The following SERINC5 variants were observed in gnomAD, a reference collection of about 807,000 sequenced individuals.
The protein encoded by SERINC5 is serine incorporator 5, also known as chromosome 5 open reading frame 12.
SERINC5 carries 41 observed loss-of-function variants against 63.1 expected under a neutral mutation model. The observed-to-expected ratio is 0.65, with a 90% CI of 0.51 to 0.84. The LOEUF is 0.84. SERINC5 is among the 40% of genes least tolerant of loss of function. The pLI, the probability that SERINC5 is intolerant of heterozygous loss-of-function variation, is 0.00. For missense variants in SERINC5, 523 were observed against 573.0 expected (o/e 0.91, Z 0.89); for synonymous variants, 222 against 215.2 (o/e 1.03, Z -0.28).
rs891959097 is a variant in SERINC5 at position 80,141,137 on chromosome 5, A to G, written c.*2526T>C. ...TTAACTCTGCATTGATAGTCCCTCA[A>G]TCCTCAGATACATCCACATCTGTTT... On this transcript the variant is annotated 3_prime_UTR_variant, in exon 12 of 12. Coordinates refer to ENST00000507668, the MANE Select transcript of SERINC5 (RefSeq NM_001174072.3). 3 of 985,242 alleles carry G rather than the reference A, an allele frequency of 3.0e-6. No homozygotes were observed. Among genetic ancestry groups the G allele is most frequent in the South Asian group, 4.7e-5 (1 of 21,284 alleles). The allele number at this position is 985,242 out of a possible 1,614,324, so 61.0% of individuals were successfully genotyped here. A position where few individuals can be genotyped will look rare whatever the true frequency, so the allele number is the denominator to read the frequency against.
chr5:80,169,878 G>A (rs116003716), intron 5 of SERINC5, among the ~76,000 whole-genome samples: 115 of 152,258 alleles, frequency 7.6e-4, no homozygotes, highest in African/African-American at 2.7e-3. Flanking sequence ...TCAATCAGCC[G>A]AGGTGTACTG....
rs531491955 is a variant in SERINC5 at position 80,160,069 on chromosome 5, G to A, written c.860-1107C>T. Among the ~76,000 whole-genome samples, 26 of 152,324 alleles carry A rather than the reference G, an allele frequency of 1.7e-4. No homozygotes were observed. The South Asian group carries it at 3.1e-3, about 18-fold the overall frequency. On this transcript the variant is annotated intron_variant, in intron 7 of 11. Coordinates refer to ENST00000507668, the MANE Select transcript of SERINC5 (RefSeq NM_001174072.3). ...TAACAGTTGGTCAGAAGTTCTGGAG[G>A]GCCGGACTTGTGACCAGTGGGAATG...
intron 2 of SERINC5, among the ~76,000 whole-genome samples, chr5:80,201,969 G>T (rs1407536619): frequency 1.3e-5 from 2 of 152,224 alleles, no homozygotes; most frequent in Non-Finnish European, 2.9e-5. Flanking sequence ...AGGCACAGTG[G>T]CTCACGCCTG....
chr5:80,134,613 A>T (rs994088625), downstream of SERINC5, among the ~76,000 whole-genome samples: 3 of 152,234 alleles, frequency 2.0e-5, no homozygotes, highest in African/African-American at 7.2e-5. Flanking sequence ...TTAGGAACAA[A>T]TCAGTAAGTT....
intron 11 of SERINC5, chr5:80,128,816 T>C (rs142737440): frequency 1.3e-5 from 2 of 152,258 alleles, no homozygotes; most frequent in African/African-American, 4.8e-5. Context: ...GACTGGAACA[T>C]TATAAGGAAA....
rs1745499529 is a variant in SERINC5, at chr5:80,141,453, GCGTAAGGTCAGTTTCTCAAATCACAC to G, written c.*2184_*2209del. The G allele has an allele frequency of 1.0e-6, 1 of 981,942 alleles. No homozygotes were observed. The highest frequency in any genetic ancestry group is 1.9e-5 in the African/African-American group (1 of 53,870). 60.8% of individuals were successfully genotyped at this position (981,942 alleles called of 1,614,324 possible). A position where few individuals can be genotyped will look rare whatever the true frequency, so the allele number is the denominator to read the frequency against. ...GCCTTGTCAGCTGGACCTTGACTGC[GCGTAAGGTCAGTTTCTCAAATCACAC>G]CAGCTGGCAGCCAGACCCAGCCGAG... On this transcript the variant is annotated 3_prime_UTR_variant, in exon 12 of 12. Transcript: ENST00000507668.
intron 8 of SERINC5, among the ~76,000 whole-genome samples, chr5:80,151,450 G>A (rs1746173672): frequency 6.6e-6 from 1 of 152,214 alleles, no homozygotes; most frequent in Admixed American, 6.5e-5. Flanking sequence ...AAAAAATTCT[G>A]CCACTTCCCT....
intron 6 of SERINC5, 79 bp from the exon 7 acceptor site, chr5:80,166,557 C>T (rs1561386655): frequency 3.6e-6 from 3 of 829,514 alleles, no homozygotes; most frequent in Non-Finnish European, 5.9e-6. Flanking sequence ...CTGATAGTCC[C>T]CATGACAGTC....
intron 5 of SERINC5, among the ~76,000 whole-genome samples, chr5:80,174,279 A>G (rs1473945504): frequency 2.0e-5 from 3 of 151,804 alleles, no homozygotes; most frequent in African/African-American, 4.8e-5. Flanking sequence ...AGGTGGGAGA[A>G]TCACTGAAGC....
At chr5:80,150,163 A>G (rs1561369916) in intron 9 of SERINC5, among the ~76,000 whole-genome samples, 1 of 152,188 alleles carries the variant, frequency 6.6e-6, no homozygotes, top group Non-Finnish European at 1.5e-5. Flanking sequence ...CCAAACAGCT[A>G]TTACATAATC....
chr5:80,224,907 A>G (rs1751093801), intron 1 of SERINC5, among the ~76,000 whole-genome samples: 1 of 147,634 alleles, frequency 6.8e-6, no homozygotes, highest in East Asian at 2.0e-4. Flanking sequence ...TACAGGCGTG[A>G]GCCATCACGC....
intron 1 of SERINC5, chr5:80,255,244 T>G (rs1029354655): frequency 3.3e-5 from 5 of 152,432 alleles, no homozygotes; most frequent in Admixed American, 3.3e-4. Context: ...AACAAGTTTA[T>G]TTGCAAAGAG....
Position 80,152,174 on chromosome 5 carries a change from G to A in SERINC5, c.987-1226C>T, listed in dbSNP as rs549899110. 6.6e-5 allele frequency among the ~76,000 whole-genome samples: 10 copies of A among 152,232 alleles called. No individual in the cohort carries two copies. In the South Asian group the frequency reaches 1.9e-3, roughly 28 times the overall value. On this transcript the variant is annotated intron_variant, in intron 8 of 11. Transcript: ENST00000507668. ...GACAGAAACATCTCCCAATGACTGC[G>A]CACCCAAGGAACACAACACCTAATC...
chr5:80,148,069 G>T (rs2112310102), intron 9 of SERINC5, among the ~76,000 whole-genome samples: 1 of 152,196 alleles, frequency 6.6e-6, no homozygotes, highest in Admixed American at 6.5e-5. Context: ...TAAAGTGAAG[G>T]AATCTGGAAG....
At chr5:80,138,664 A>AC, downstream of SERINC5, 1 of 228,620 alleles carries the variant, frequency 4.4e-6, no homozygotes, top group South Asian at 1.6e-4. Flanking sequence ...ACATGAGGTA[A>AC]TGCATATGCT....
At chr5:80,151,660 AAC>A (rs1746188383) in intron 8 of SERINC5, among the ~76,000 whole-genome samples, 1 of 152,184 alleles carries the variant, frequency 6.6e-6, no homozygotes, top group Non-Finnish European at 1.5e-5. Flanking sequence ...ACAAAACAAA[AAC>A]ACAGAACATT....
At chr5:80,250,304 T>C (rs1041335975) in intron 1 of SERINC5, among the ~76,000 whole-genome samples, 1 of 152,188 alleles carries the variant, frequency 6.6e-6, no homozygotes, top group Non-Finnish European at 1.5e-5. Context: ...ATTTGGGTTT[T>C]ACAGTGAAGA....
chr5:80,124,221 T>C (rs1036175079), intron 11 of SERINC5, among the ~76,000 whole-genome samples: 1 of 152,122 alleles, frequency 6.6e-6, no homozygotes, highest in Non-Finnish European at 1.5e-5. Context: ...TGCCCCTACC[T>C]CCAACTTTGG....
At chr5:80,191,966 C>G (rs1749218486) in intron 2 of SERINC5, among the ~76,000 whole-genome samples, 1 of 152,194 alleles carries the variant, frequency 6.6e-6, no homozygotes, top group Non-Finnish European at 1.5e-5. Flanking sequence ...GGGTCTAACA[C>G]AGGAGTCAGC....
Sources: allele counts gnomAD v4.1 joint callset (sites outside exome capture counted in the v4.1 genomes callset), GRCh38; gene constraint gnomAD v4.1.1; transcripts MANE v1.5; gene names NCBI Gene and HGNC (gene_info 2026-07-23, HGNC 2026-07-21).